Variants in PHEX observed in about 807,000 individuals in gnomAD.
PHEX encodes the protein phosphate-regulating neutral endopeptidase PHEX.
A neutral mutation model predicts 68.0 loss-of-function variants in PHEX; 16 were observed. The observed-to-expected ratio is 0.24, with a 90% CI of 0.16 to 0.36. PHEX has a LOEUF of 0.36. PHEX is among the 10% of genes least tolerant of loss of function. The probability of loss-of-function intolerance (pLI) is 1.00; values close to 1 mark genes in which losing one functional copy is unlikely to be tolerated. For missense variants in PHEX, 480 were observed against 575.5 expected (o/e 0.83, Z 1.70); for synonymous variants, 208 against 205.1 (o/e 1.01, Z -0.12).
chrX:22,093,733 T>A (rs1438587529), intron 6 of PHEX, among the ~76,000 whole-genome samples: 1 of 111,952 alleles, frequency 8.9e-6, no homozygotes, highest in Non-Finnish European at 1.9e-5. Flanking sequence ...AGAAAACTAG[T>A]TCTCTTGTTG....
At chrX:22,242,352 C>G (rs1183612879) in intron 20 of PHEX, among the ~76,000 whole-genome samples, 2 of 111,805 alleles carry the variant, frequency 1.8e-5, no homozygotes, top group Non-Finnish European at 3.8e-5. Flanking sequence ...GAAGCATTCC[C>G]TTTGAAAACC....
chrX:22,181,803 A>G (rs140552046), intron 14 of PHEX, among the ~76,000 whole-genome samples: 2,962 of 111,385 alleles, frequency 0.027, 102 homozygotes, highest in African/African-American at 0.092. Flanking sequence ...TCTTTAGTTA[A>G]GTTTATTCCT....
chrX:22,165,735 CT>C (rs1481289215), intron 12 of PHEX, among the ~76,000 whole-genome samples: 2 of 111,983 alleles, frequency 1.8e-5, no homozygotes, highest in African/African-American at 6.5e-5. Context: ...TTGTAAGCTT[CT>C]CTTTTGCTTT....
chrX:22,124,344 C>T (rs1047432791), intron 11 of PHEX, among the ~76,000 whole-genome samples: 14 of 112,325 alleles, frequency 1.2e-4, no homozygotes, highest in African/African-American at 2.9e-4. Flanking sequence ...TGTGCTGCCA[C>T]GACGATGACA....
intron 17 of PHEX, among the ~76,000 whole-genome samples, chrX:22,221,071 C>T (rs1268835370): frequency 4.5e-5 from 5 of 112,089 alleles, no homozygotes; most frequent in Non-Finnish European, 9.4e-5. Flanking sequence ...CTTCCGTCCA[C>T]ACTAGTGGCT....
intron 3 of PHEX, among the ~76,000 whole-genome samples, chrX:22,070,482 C>A (rs1170264122): frequency 1.8e-5 from 2 of 111,428 alleles, no homozygotes; most frequent in Non-Finnish European, 3.8e-5. Flanking sequence ...GAATTGAAGA[C>A]CAGCCTGGGC....
chrX:22,096,942 C>G lies in PHEX; in HGVS notation c.850-13C>G. The G allele has an allele frequency of 8.6e-7, 1 of 1,163,402 alleles. No homozygotes were observed. The highest frequency in any genetic ancestry group is 1.2e-6 in the Non-Finnish European group (1 of 851,731). On this transcript the variant is annotated splice_polypyrimidine_tract_variant and intron_variant, in intron 7 of 21. Transcript: ENST00000379374. ...TCACTTGAAAAAAAATAACAAAAAT[C>G]TCTTTTCAACAGATAATGATTCCAC...
chrX:22,247,548 T>C (rs1469363966), intron 21 of PHEX, among the ~76,000 whole-genome samples: 1 of 112,411 alleles, frequency 8.9e-6, no homozygotes, highest in Non-Finnish European at 1.9e-5. Context: ...ATGTCAGTTA[T>C]ACTTTCCATA....
chrX:22,220,534 G>C lies in PHEX; in HGVS notation c.1769-1079G>C, dbSNP rs150386498. Among the ~76,000 whole-genome samples, 974 of 111,688 alleles carry C rather than the reference G, an allele frequency of 8.7e-3. 8 individuals carry two copies. Among genetic ancestry groups the C allele is most frequent in the African/African-American group, 0.03 (909 of 30,766 alleles). On this transcript the variant is annotated intron_variant, in intron 17 of 21. Coordinates refer to ENST00000379374, the MANE Select transcript of PHEX (RefSeq NM_000444.6). ...AAAAAAAGCTAATAGTCCTTTCTTC[G>C]TTCTGGACCTCTCTTGATAGGAAAT...
At chrX:22,173,587 T>A (rs984907442) in intron 13 of PHEX, among the ~76,000 whole-genome samples, 2 of 110,669 alleles carry the variant, frequency 1.8e-5, no homozygotes, top group African/African-American at 6.6e-5. Flanking sequence ...ATAATAAGTA[T>A]GTCTACATGT....
chrX:22,129,159 G>A (rs1000150169), intron 11 of PHEX, among the ~76,000 whole-genome samples: 1 of 111,310 alleles, frequency 9.0e-6, no homozygotes, highest in Non-Finnish European at 1.9e-5. Flanking sequence ...TATATACAGG[G>A]TGGAGATGCT....
At chrX:22,045,399 T>C (rs752608855) in intron 2 of PHEX, among the ~76,000 whole-genome samples, 5 of 110,977 alleles carry the variant, frequency 4.5e-5, no homozygotes, top group East Asian at 5.6e-4. Context: ...TATTGTCTGG[T>C]TTTTTAAAAA....
chrX:22,090,502 GT>G lies in PHEX; in HGVS notation c.732+9del. 8.6e-7 allele frequency: 1 copy of G among 1,162,109 alleles called. No individual in the cohort carries two copies. Among genetic ancestry groups the G allele is most frequent in the Non-Finnish European group, 1.2e-6 (1 of 849,965 alleles). The stretch of plus-strand genomic sequence containing the variant: ...AACAGTACAGAAGCCAAGTCTGTAA[GT>G]TTTACTCATATTCAACTATGTGCCT... On this transcript the variant is annotated splice_donor_region_variant and intron_variant, in intron 6 of 21. Coordinates refer to ENST00000379374, the MANE Select transcript of PHEX (RefSeq NM_000444.6).
chrX:22,100,781 C>G (rs956498473), intron 9 of PHEX, among the ~76,000 whole-genome samples: 13 of 111,781 alleles, frequency 1.2e-4, no homozygotes, highest in Admixed American at 9.5e-4. Context: ...AAAATGATAA[C>G]TTGGACAAAT....
chrX:22,063,266 C>T lies in PHEX; in HGVS notation c.350-13122C>T, dbSNP rs375458996. ...CCCAACTAATTTATTAATTTCTCTC[C>T]ATTTACATTTCCCAACATGTTGACC... On this transcript the variant is annotated intron_variant, in intron 3 of 21. Transcript: ENST00000379374. Among the ~76,000 whole-genome samples the T allele has an allele frequency of 7.1e-5, 8 of 112,357 alleles. No individual in the cohort carries two copies. In the East Asian group the frequency reaches 1.7e-3, roughly 23 times the overall value.
chrX:22,108,761 G>A (rs1206796580), intron 9 of PHEX, among the ~76,000 whole-genome samples: 2 of 110,764 alleles, frequency 1.8e-5, no homozygotes, highest in Non-Finnish European at 3.8e-5. Flanking sequence ...GACCAACATG[G>A]TGAAACCCCA....
chrX:22,223,111 T>G (rs1935324164), intron 18 of PHEX, among the ~76,000 whole-genome samples: 2 of 112,200 alleles, frequency 1.8e-5, no homozygotes, highest in African/African-American at 6.5e-5. Flanking sequence ...ACCAATCCAC[T>G]TAACCATCAG....
At chrX:22,166,796 C>G (rs1201370980) in intron 12 of PHEX, among the ~76,000 whole-genome samples, 3 of 111,117 alleles carry the variant, frequency 2.7e-5, no homozygotes, top group Non-Finnish European at 5.7e-5. Flanking sequence ...TCCCCCACCC[C>G]TGGTAACCAC....
rs775877008 is a variant in PHEX, at chrX:22,056,354, T to C, written c.349+9143T>C. ...TTAAGGATCACATTTTTTTTTTCTTTCTCTCTCTACTCTGACATCCACCAT... is the reference window on the plus strand; with the variant it reads ...TTAAGGATCACATTTTTTTTTTCTTCCTCTCTCTACTCTGACATCCACCAT... On this transcript the variant is annotated intron_variant, in intron 3 of 21. Transcript: ENST00000379374. 4.5e-5 allele frequency among the ~76,000 whole-genome samples: 5 copies of C among 111,423 alleles called. No individual in the cohort carries two copies. In the South Asian group the frequency reaches 1.5e-3, roughly 34 times the overall value.
Sources: allele counts gnomAD v4.1 joint callset (sites outside exome capture counted in the v4.1 genomes callset), GRCh38; gene constraint gnomAD v4.1.1; transcripts MANE v1.5; gene names NCBI Gene and HGNC (gene_info 2026-07-23, HGNC 2026-07-21).